Variants in PVT1 observed in about 807,000 individuals in gnomAD.
The protein encoded by PVT1 is CXCR4/PVT1 fusion.
At chr8:128,017,841 TCTCA>T (rs1233660212) in intron 4 of PVT1, among the ~76,000 whole-genome samples, 31 of 152,258 alleles carry the variant, frequency 2.0e-4, no homozygotes, top group Admixed American at 1.4e-3. Context: ...TCTCTGGGGC[TCTCA>T]CTCCTTGTGT....
chr8:128,000,456 T>G (rs1817162477), intron 4 of PVT1, among the ~76,000 whole-genome samples: 1 of 152,214 alleles, frequency 6.6e-6, no homozygotes, highest in South Asian at 2.1e-4. Flanking sequence ...CCTCCATGGT[T>G]GCATAGCAAA....
At chr8:128,078,767 A>G (rs909885037) in intron 5 of PVT1, among the ~76,000 whole-genome samples, 1 of 152,216 alleles carries the variant, frequency 6.6e-6, no homozygotes. Context: ...ATCATTATCA[A>G]TGTGCTATAC....
At chr8:127,925,472 A>T (rs1198083027) in intron 3 of PVT1, among the ~76,000 whole-genome samples, 1 of 152,232 alleles carries the variant, frequency 6.6e-6, no homozygotes, top group Non-Finnish European at 1.5e-5. Context: ...CATATGGTGG[A>T]TGTTACAATG....
chr8:128,004,151 C>A (rs1409034763), intron 4 of PVT1, among the ~76,000 whole-genome samples: 2 of 152,224 alleles, frequency 1.3e-5, no homozygotes, highest in African/African-American at 4.8e-5. Context: ...GGGGTTGGGA[C>A]TTCAACATAT....
At chr8:127,833,890 C>T (rs1814880052) in intron 2 of PVT1, among the ~76,000 whole-genome samples, 1 of 152,168 alleles carries the variant, frequency 6.6e-6, no homozygotes, top group South Asian at 2.1e-4. Context: ...TCAGAATCAC[C>T]AGAAGGGCTT....
At chr8:127,966,390 A>T (rs1340666573) in intron 3 of PVT1, among the ~76,000 whole-genome samples, 1 of 152,184 alleles carries the variant, frequency 6.6e-6, no homozygotes, top group African/African-American at 2.4e-5. Context: ...TGAGTCTTAG[A>T]AAAAACCCCA....
chr8:127,966,670 G>A (rs2129955693), intron 3 of PVT1, among the ~76,000 whole-genome samples: 1 of 152,300 alleles, frequency 6.6e-6, no homozygotes, highest in South Asian at 2.1e-4. Flanking sequence ...CAATTTTTGT[G>A]TGAATTAATT....
In PVT1 at chr8:127,898,211, GAAAA is replaced by G. The variant is rs1815710949; in HGVS notation, n.782+7214_782+7217del. ...TTTGTACCTGCGTGAAGAAAGAAGAGAAAAGAAAGAAAAGAAAGAAAGAAAGAAA... is the reference window on the plus strand; with the variant it reads ...TTTGTACCTGCGTGAAGAAAGAAGAGGAAAGAAAAGAAAGAAAGAAAGAAA... On this transcript the variant is annotated intron_variant and non_coding_transcript_variant, in intron 3 of 10. Coordinates refer to ENST00000651587, the Ensembl canonical transcript of PVT1. The surrounding 1 kb of genome is among the most constrained non-coding windows in gnomAD (Gnocchi z 4.4). Among the ~76,000 whole-genome samples, 1 of 143,388 alleles carries G rather than the reference GAAAA, an allele frequency of 7.0e-6. No homozygotes were observed. Among genetic ancestry groups the G allele is most frequent in the Non-Finnish European group, 1.5e-5 (1 of 65,156 alleles). 94.1% of individuals were successfully genotyped at this position (143,388 alleles called of 152,430 possible).
intron 4 of PVT1, among the ~76,000 whole-genome samples, chr8:128,029,336 C>T (rs1229711418): frequency 1.3e-5 from 2 of 151,982 alleles, no homozygotes; most frequent in Non-Finnish European, 2.9e-5. Flanking sequence ...CTATGTTGCC[C>T]AGGCTGGTCT....
chr8:127,853,205 C>T (rs908649645), intron 2 of PVT1, among the ~76,000 whole-genome samples: 44 of 152,038 alleles, frequency 2.9e-4, no homozygotes, highest in African/African-American at 1.1e-3. Context: ...AGAACCATAC[C>T]CAGCAGGAGG....
chr8:128,043,967 C>T lies in PVT1; in HGVS notation n.913-26193C>T, dbSNP rs925258912. Among the ~76,000 whole-genome samples, 2 of 150,802 alleles carry T rather than the reference C, an allele frequency of 1.3e-5. 1 individual carries two copies. Among genetic ancestry groups the T allele is most frequent in the African/African-American group, 4.9e-5 (2 of 41,018 alleles). ...TCAGCCTCCCAAGTAGCTGGGACTA[C>T]AGACATGCACCATCACACCCGGTTA... On this transcript the variant is annotated intron_variant and non_coding_transcript_variant, in intron 4 of 10. Transcript: ENST00000651587.
At chr8:127,803,743 C>G (rs183090572) in intron 2 of PVT1, among the ~76,000 whole-genome samples, 1 of 138,744 alleles carries the variant, frequency 7.2e-6, no homozygotes, top group Non-Finnish European at 1.5e-5. Context: ...TTTTTTGAGA[C>G]GGAATCTTGC....
chr8:127,892,629 C>T (rs979886003), intron 3 of PVT1, among the ~76,000 whole-genome samples: 1 of 152,176 alleles, frequency 6.6e-6, no homozygotes, highest in African/African-American at 2.4e-5. Flanking sequence ...AGAACTGCCT[C>T]GTGTTTTATA....
At chr8:128,044,011 A>ATTTTTTTTTTTTTTTTTTTTTTTT (rs66807418) in intron 4 of PVT1, among the ~76,000 whole-genome samples, 1 of 97,916 alleles carries the variant, frequency 1.0e-5, no homozygotes, top group African/African-American at 3.4e-5. Context: ...ATTATTATTT[A>ATTTTTTTTTTTTTTTTTTTTTTTT]TTTATTTTTT....
chr8:128,096,569 C>T (rs980015938), exon 6 of PVT1: 1 of 152,138 alleles, frequency 6.6e-6, no homozygotes, highest in Non-Finnish European at 1.5e-5. Flanking sequence ...AGAGGATCAC[C>T]CCAGGAACGC....
intron 4 of PVT1, among the ~76,000 whole-genome samples, chr8:128,011,689 G>A (rs924223677): frequency 1.3e-5 from 2 of 152,224 alleles, no homozygotes; most frequent in African/African-American, 4.8e-5. Flanking sequence ...ACAGAGAGAA[G>A]ATGTGGAGAG....
chr8:127,848,721 A>G (rs1815066974), intron 2 of PVT1, among the ~76,000 whole-genome samples: 1 of 152,054 alleles, frequency 6.6e-6, no homozygotes, highest in Non-Finnish European at 1.5e-5. Flanking sequence ...AAGGCCAACA[A>G]ATTTGACCAA....
intron 4 of PVT1, among the ~76,000 whole-genome samples, chr8:128,022,464 G>A (rs1817449021): frequency 6.6e-6 from 1 of 152,088 alleles, no homozygotes. Context: ...CAGAGCTTGT[G>A]CTAGATCTCC....
intron 2 of PVT1, among the ~76,000 whole-genome samples, chr8:127,867,005 A>T (rs1815292723): frequency 6.6e-6 from 1 of 152,206 alleles, no homozygotes; most frequent in African/African-American, 2.4e-5. Flanking sequence ...CTTGAAACCC[A>T]AGTCATCAGC....
Sources: allele counts gnomAD v4.1 joint callset (sites outside exome capture counted in the v4.1 genomes callset), GRCh38; gene constraint gnomAD v4.1.1; non-coding constraint Gnocchi (gnomAD v3.1); transcripts MANE v1.5; gene names NCBI Gene and HGNC (gene_info 2026-07-23, HGNC 2026-07-21).